The following ST8SIA6 variants were observed in gnomAD, a reference collection of about 807,000 sequenced individuals.
ST8SIA6 encodes ST8 alpha-N-acetyl-neuraminide alpha-2,8-sialyltransferase 6.
Under a neutral mutation model 33.6 loss-of-function variants are expected in ST8SIA6, and 39 were observed. The ratio of observed to expected loss-of-function variants is 1.16; its 90% confidence interval spans 0.90 to 1.52. ST8SIA6 has a LOEUF of 1.52. Among genes scored for constraint, ST8SIA6 ranks in the 40% most tolerant of loss-of-function variants. ST8SIA6 has a pLI of 0.00. For missense variants in ST8SIA6, 441 were observed against 443.8 expected (o/e 0.99, Z 0.06); for synonymous variants, 172 against 167.2 (o/e 1.03, Z -0.22).
intron 3 of ST8SIA6, among the ~76,000 whole-genome samples, chr10:17,377,477 T>C (rs1849956991): frequency 6.6e-6 from 1 of 152,214 alleles, no homozygotes; most frequent in African/African-American, 2.4e-5. Context: ...AAAAATTAAT[T>C]GAGCAACTGC....
chr10:17,316,708 G>C lies in ST8SIA6; in HGVS notation c.*4170C>G, dbSNP rs1297992750. On this transcript the variant is annotated 3_prime_UTR_variant, in exon 8 of 8. Coordinates refer to ENST00000377602, the MANE Select transcript of ST8SIA6 (RefSeq NM_001004470.3). ...TTTCATTTGCATTTCTCAGGTTACT[G>C]GTAAATTTGAGTATCACTTCCTATT... Among the ~76,000 whole-genome samples the C allele has an allele frequency of 6.6e-6, 1 of 152,012 alleles. No individual in the cohort carries two copies. The highest frequency in any genetic ancestry group is 1.5e-5 in the Non-Finnish European group (1 of 67,970).
At chr10:17,437,641 C>G (rs915988139) in intron 2 of ST8SIA6, among the ~76,000 whole-genome samples, 3 of 137,394 alleles carry the variant, frequency 2.2e-5, no homozygotes, top group Non-Finnish European at 4.7e-5. Flanking sequence ...TTCCTTCCTT[C>G]CTTCCTTCCT....
rs1588767813 is a variant in ST8SIA6 at position 17,318,273 on chromosome 10, T to C, written c.*2605A>G. Reference sequence around the variant, plus strand: ...CTCTGTCACACAGGCTAGAATGCAGTGGTAAGATCACAGCTCACTGCAGCC... The same window carrying C: ...CTCTGTCACACAGGCTAGAATGCAGCGGTAAGATCACAGCTCACTGCAGCC... On this transcript the variant is annotated 3_prime_UTR_variant, in exon 8 of 8. Transcript: ENST00000377602. 2 of 176,670 alleles carry C rather than the reference T, an allele frequency of 1.1e-5. No homozygotes were observed. Among genetic ancestry groups the C allele is most frequent in the African/African-American group, 4.8e-5 (2 of 41,754 alleles). The allele number at this position is 176,670 out of a possible 1,614,324, so 10.9% of individuals were successfully genotyped here.
At chr10:17,338,790 G>GTAGA (rs1344092291) in intron 4 of ST8SIA6, among the ~76,000 whole-genome samples, 5 of 152,174 alleles carry the variant, frequency 3.3e-5, no homozygotes, top group African/African-American at 9.7e-5. Flanking sequence ...CTCTTGCTGC[G>GTAGA]TTCTACCTTC....
At chr10:17,386,815 AC>A (rs1460589445) in intron 3 of ST8SIA6, 2 of 152,234 alleles carry the variant, frequency 1.3e-5, no homozygotes, top group Non-Finnish European at 2.9e-5. Context: ...CTGTGTATCT[AC>A]TGCTACGTGA....
At chr10:17,367,990 G>A (rs749580103) in intron 3 of ST8SIA6, among the ~76,000 whole-genome samples, 1 of 151,884 alleles carries the variant, frequency 6.6e-6, no homozygotes, top group Non-Finnish European at 1.5e-5. Flanking sequence ...TTACGTATCC[G>A]TACAGCACTT....
chr10:17,414,563 T>C (rs925908955), intron 2 of ST8SIA6, among the ~76,000 whole-genome samples: 1 of 152,234 alleles, frequency 6.6e-6, no homozygotes, highest in Non-Finnish European at 1.5e-5. Flanking sequence ...CAGAAATTTT[T>C]CATCTCATAT....
chr10:17,325,351 T>C (rs974508766), intron 6 of ST8SIA6, among the ~76,000 whole-genome samples: 9 of 147,332 alleles, frequency 6.1e-5, no homozygotes, highest in Non-Finnish European at 1.2e-4. Flanking sequence ...ATATAATATG[T>C]AATATATAAA....
At chr10:17,410,774 G>A (rs1473114900) in intron 2 of ST8SIA6, 1 of 152,138 alleles carries the variant, frequency 6.6e-6, no homozygotes, top group East Asian at 1.9e-4. Context: ...AGATCCCCTG[G>A]TTAACCTTCA....
At chr10:17,368,376 C>A (rs1849625505) in intron 3 of ST8SIA6, among the ~76,000 whole-genome samples, 1 of 132,996 alleles carries the variant, frequency 7.5e-6, no homozygotes, top group Non-Finnish European at 1.6e-5. Flanking sequence ...CATTGTACTC[C>A]AGCCTGGGCA....
chr10:17,415,164 C>T (rs983050316), intron 2 of ST8SIA6, among the ~76,000 whole-genome samples: 3 of 152,178 alleles, frequency 2.0e-5, no homozygotes, highest in African/African-American at 7.2e-5. Flanking sequence ...TCCCCTTCCT[C>T]AACAATCTAT....
chr10:17,412,911 A>G (rs1418926157), intron 2 of ST8SIA6, among the ~76,000 whole-genome samples: 1 of 152,236 alleles, frequency 6.6e-6, no homozygotes, highest in Admixed American at 6.5e-5. Flanking sequence ...GATATTTACA[A>G]ATTATACAAA....
At chr10:17,331,157 T>A (rs1848286437) in intron 5 of ST8SIA6, among the ~76,000 whole-genome samples, 3 of 152,190 alleles carry the variant, frequency 2.0e-5, no homozygotes, top group Non-Finnish European at 4.4e-5. Flanking sequence ...GAGTGTCTCA[T>A]CTCATTCGAA....
In ST8SIA6 at chr10:17,321,150, G is replaced by T; in HGVS notation, c.925C>A (p.Leu309Ile). The change falls in exon 8 of 8, where the codon CTT becomes ATT. Residue 309 changes from leucine (L) to isoleucine (I), a missense_variant. Physicochemically the swap from Leu to Ile is conservative, Grantham distance 5 (BLOSUM62 2). Transcript: ENST00000377602. ...FHPKYLKDLA[L>I]FWRTKGVTAY... ...GTCACACCTTTAGTTCTCCAGAAAA[G>T]GGCCAGATCTTTCAGGTACTTGGGA... is the stretch of plus-strand genomic sequence containing the variant. The T allele has an allele frequency of 1.2e-6, 2 of 1,614,092 alleles. 1 individual carries two copies. The highest frequency in any genetic ancestry group is 2.2e-5 in the South Asian group (2 of 91,086).
Position 17,318,603 on chromosome 10 carries a change from AC to A in ST8SIA6, c.*2274del, listed in dbSNP as rs1847845767. 1 of 451,882 alleles carries A rather than the reference AC, an allele frequency of 2.2e-6. No homozygotes were observed. The highest frequency in any genetic ancestry group is 4.5e-6 in the Non-Finnish European group (1 of 220,386). The allele number at this position is 451,882 out of a possible 1,614,324, so 28.0% of individuals were successfully genotyped here. A position where few individuals can be genotyped will look rare whatever the true frequency, so the allele number is the denominator to read the frequency against. On this transcript the variant is annotated 3_prime_UTR_variant, in exon 8 of 8. Transcript: ENST00000377602. ...ACTTGAGTTTTAAGAGCAGAAGATC[AC>A]ATTAGATCTAACAATATTTAAGCAA...
chr10:17,378,954 G>C (rs560708899), intron 3 of ST8SIA6, among the ~76,000 whole-genome samples: 1 of 151,910 alleles, frequency 6.6e-6, no homozygotes, highest in African/African-American at 2.4e-5. Context: ...GTGAAACCCC[G>C]TTACTACTAA....
chr10:17,446,397 A>G (rs1286117931), intron 2 of ST8SIA6, among the ~76,000 whole-genome samples: 1 of 152,230 alleles, frequency 6.6e-6, no homozygotes, highest in Non-Finnish European at 1.5e-5. Flanking sequence ...AGAAAACACA[A>G]AATAACAAAT....
intron 4 of ST8SIA6, among the ~76,000 whole-genome samples, chr10:17,343,433 TTAA>T (rs1393957811): frequency 2.0e-5 from 3 of 152,226 alleles, no homozygotes; most frequent in Non-Finnish European, 4.4e-5. Flanking sequence ...AGAAAACTAT[TTAA>T]TGAGCTCAGA....
chr10:17,425,186 A>G (rs1434440754), intron 2 of ST8SIA6, among the ~76,000 whole-genome samples: 1 of 152,208 alleles, frequency 6.6e-6, no homozygotes, highest in Non-Finnish European at 1.5e-5. Flanking sequence ...ATATTTATTT[A>G]CATATACACA....
Sources: allele counts gnomAD v4.1 joint callset (sites outside exome capture counted in the v4.1 genomes callset), GRCh38; gene constraint gnomAD v4.1.1; transcripts MANE v1.5; gene names NCBI Gene and HGNC (gene_info 2026-07-23, HGNC 2026-07-21).